The following NKIRAS1 variants were observed in gnomAD, a reference collection of about 807,000 sequenced individuals.
NKIRAS1 encodes NF-kappa-B inhibitor-interacting Ras-like protein 1.
Under a neutral mutation model 19.8 loss-of-function variants are expected in NKIRAS1, and 16 were observed. That is an observed-to-expected ratio of 0.81 (90% CI 0.55 to 1.23). The LOEUF (loss-of-function observed/expected upper bound fraction) is 1.23. Among genes scored for constraint, NKIRAS1 ranks in the 50% most tolerant of loss-of-function variants. The probability of loss-of-function intolerance (pLI) is 0.00; values close to 1 mark genes in which losing one functional copy is unlikely to be tolerated. For missense variants in NKIRAS1, 184 were observed against 220.0 expected (o/e 0.84, Z 1.04); for synonymous variants, 88 against 79.0 (o/e 1.11, Z -0.61).
At chr3:23,913,376 AAAC>A (rs936087311) in intron 1 of NKIRAS1, among the ~76,000 whole-genome samples, 7 of 152,218 alleles carry the variant, frequency 4.6e-5, no homozygotes, top group African/African-American at 9.7e-5. Context: ...ATCAAAAAGA[AAAC>A]AAAGATGAAA....
intron 1 of NKIRAS1, among the ~76,000 whole-genome samples, chr3:23,944,232 A>T (rs1406390384): frequency 6.6e-6 from 1 of 152,220 alleles, no homozygotes; most frequent in Admixed American, 6.5e-5. Flanking sequence ...CAAAACAGTA[A>T]ATATTGATAT....
chr3:23,897,963 A>G (rs1702143116), intron 4 of NKIRAS1, among the ~76,000 whole-genome samples: 1 of 152,216 alleles, frequency 6.6e-6, no homozygotes, highest in Non-Finnish European at 1.5e-5. Flanking sequence ...ATGGGGATTG[A>G]AGAAGCATAT....
intron 4 of NKIRAS1, among the ~76,000 whole-genome samples, chr3:23,899,722 T>C (rs1702318045): frequency 6.6e-6 from 1 of 152,246 alleles, no homozygotes; most frequent in Admixed American, 6.5e-5. Context: ...AGGACAGGCA[T>C]GGGCCAGGTA....
Position 23,916,809 on chromosome 3 carries a change from C to T in NKIRAS1, c.-165G>A, listed in dbSNP as rs1704574742. On this transcript the variant is annotated 5_prime_UTR_variant, in exon 1 of 5. Coordinates refer to ENST00000425478, the MANE Select transcript of NKIRAS1 (RefSeq NM_020345.4). ...CTGTTCTCTCCTCAGACCTCAAAGACAGCGGCTCCACCGCGGTACGCGGCC... is the reference window on the plus strand; with the variant it reads ...CTGTTCTCTCCTCAGACCTCAAAGATAGCGGCTCCACCGCGGTACGCGGCC... 6.5e-6 allele frequency: 1 copy of T among 152,746 alleles called. No individual in the cohort carries two copies. Among genetic ancestry groups the T allele is most frequent in the Non-Finnish European group, 1.5e-5 (1 of 68,096 alleles). The allele number at this position is 152,746 out of a possible 1,614,324, so 9.5% of individuals were successfully genotyped here. A position where few individuals can be genotyped will look rare whatever the true frequency, so the allele number is the denominator to read the frequency against.
intron 1 of NKIRAS1, among the ~76,000 whole-genome samples, chr3:23,940,549 T>C (rs1389781299): frequency 2.6e-5 from 4 of 152,210 alleles, no homozygotes; most frequent in Non-Finnish European, 5.9e-5. Flanking sequence ...GTCAATGGAT[T>C]GATTCAGTTT....
rs1490040444 is a variant in NKIRAS1 at position 23,891,755 on chromosome 3, T to G, written c.*1340A>C. The G allele has an allele frequency of 4.6e-5, 7 of 152,232 alleles. No homozygotes were observed. The highest frequency in any genetic ancestry group is 8.8e-5 in the Non-Finnish European group (6 of 68,034). 9.4% of individuals were successfully genotyped at this position (152,232 alleles called of 1,614,324 possible). On this transcript the variant is annotated 3_prime_UTR_variant, in exon 5 of 5. Transcript: ENST00000425478. ...AATTTAAAAAGAATTGGTAACTGTT[T>G]GTACTAATATAGACTAAGTTGCATT...
At chr3:23,923,974 C>T (rs1185298568) in intron 1 of NKIRAS1, 4 of 152,198 alleles carry the variant, frequency 2.6e-5, no homozygotes, top group Admixed American at 2.0e-4. Flanking sequence ...AACTAAACTA[C>T]ATTGTTTTCC....
At chr3:23,904,116 G>C (rs1369692097) in intron 3 of NKIRAS1, among the ~76,000 whole-genome samples, 2 of 152,184 alleles carry the variant, frequency 1.3e-5, no homozygotes, top group African/African-American at 4.8e-5. Context: ...AGTGAGCTGA[G>C]ATCGTGCCAC....
chr3:23,898,597 C>A (rs954325632), intron 4 of NKIRAS1, among the ~76,000 whole-genome samples: 2 of 152,082 alleles, frequency 1.3e-5, no homozygotes, highest in African/African-American at 2.4e-5. Flanking sequence ...GCGTGTGCTA[C>A]CACGCCAGGC....
rs545189864 is a variant in NKIRAS1 at position 23,946,274 on chromosome 3, C to T, written c.-140+49G>A. 33 of 985,484 alleles carry T rather than the reference C, an allele frequency of 3.3e-5. No homozygotes were observed. The Admixed American group carries it at 1.5e-3, about 44-fold the overall frequency. 61.0% of individuals were successfully genotyped at this position (985,484 alleles called of 1,614,324 possible). A position where few individuals can be genotyped will look rare whatever the true frequency, so the allele number is the denominator to read the frequency against. ...GCGAGGTGACCCCAAGGCGCGGACCCCGCGCAAACCAAACGAACCGGCGCC... is the reference window on the plus strand; with the variant it reads ...GCGAGGTGACCCCAAGGCGCGGACCTCGCGCAAACCAAACGAACCGGCGCC... On this transcript the variant is annotated intron_variant, in intron 1 of 4. Transcript: ENST00000421515.
upstream of NKIRAS1, chr3:23,918,541 C>T (rs146413350): frequency 1.9e-6 from 3 of 1,613,940 alleles, no homozygotes; most frequent in Admixed American, 5.0e-5. Context: ...TGTTAACCAG[C>T]TAAAGTTTGC....
At position 23,895,940 on chromosome 3, in the gene NKIRAS1, C is replaced by G. The variant is rs113378970; in HGVS notation, c.337-2603G>C. On this transcript the variant is annotated intron_variant, in intron 4 of 4. Transcript: ENST00000425478. ...ATGAGGTCAGGAGATTGAGACCATC[C>G]TGGCTAACACGGTGAAACCCTATCT... Among the ~76,000 whole-genome samples the G allele has an allele frequency of 4.4e-3, 662 of 152,084 alleles. 6 individuals carry two copies. The highest frequency in any genetic ancestry group is 0.015 in the African/African-American group (637 of 41,484).
At chr3:23,946,394 G>C in exon 1 of NKIRAS1, 1 of 718,622 alleles carries the variant, frequency 1.4e-6, no homozygotes, top group Non-Finnish European at 1.7e-6. Context: ...CGGGGAAGGC[G>C]TGGGGCTTTC....
intron 3 of NKIRAS1, among the ~76,000 whole-genome samples, chr3:23,907,554 T>C (rs1703199658): frequency 6.6e-6 from 1 of 152,210 alleles, no homozygotes; most frequent in Non-Finnish European, 1.5e-5. Context: ...CCATTTGCAT[T>C]TTCCACTGTG....
At chr3:23,921,484 A>G (rs866961030), upstream of NKIRAS1, 1 of 651,836 alleles carries the variant, frequency 1.5e-6, no homozygotes, top group Non-Finnish European at 2.7e-6. Context: ...TTTATTAGCT[A>G]TACCCTGACC....
At chr3:23,932,688 C>CAA (rs5847261) in intron 1 of NKIRAS1, among the ~76,000 whole-genome samples, 1 of 72,928 alleles carries the variant, frequency 1.4e-5, no homozygotes, top group Non-Finnish European at 2.9e-5. Context: ...AATTCCGTCT[C>CAA]AAAAAAAAAA....
chr3:23,937,171 G>C (rs940713142), intron 1 of NKIRAS1, among the ~76,000 whole-genome samples: 7 of 130,464 alleles, frequency 5.4e-5, no homozygotes, highest in African/African-American at 2.0e-4. Flanking sequence ...CTTGAGGCTA[G>C]AGTTCGAGAC....
intron 3 of NKIRAS1, among the ~76,000 whole-genome samples, 189 bp downstream of exon 3, chr3:23,910,622 G>A (rs1703604141): frequency 6.6e-6 from 1 of 152,072 alleles, no homozygotes; most frequent in African/African-American, 2.4e-5. Flanking sequence ...ACTTACAGCA[G>A]GCACTCTTGA....
intron 1 of NKIRAS1, among the ~76,000 whole-genome samples, chr3:23,912,064 G>A (rs1177272835): frequency 6.6e-6 from 1 of 152,118 alleles, no homozygotes; most frequent in African/African-American, 2.4e-5. Flanking sequence ...GCGCCTGGCT[G>A]TCACGTGGGC....
Sources: gnomAD v4.1 joint callset for allele counts (sites outside exome capture counted in the v4.1 genomes callset) on GRCh38, gnomAD v4.1.1 for gene constraint, MANE v1.5 for transcripts, NCBI Gene and HGNC (gene_info 2026-07-23, HGNC 2026-07-21) for gene names.